Variants in WDFY4 observed in about 807,000 individuals in gnomAD.
WDFY4 encodes the protein WDFY family member 4.
In WDFY4, 169 loss-of-function variants were observed where a neutral mutation model predicts 351.9. That is an observed-to-expected ratio of 0.48 (90% CI 0.42 to 0.55). The LOEUF (loss-of-function observed/expected upper bound fraction) is 0.55, where lower values mean the gene tolerates loss of function less well. Among genes scored for constraint, WDFY4 ranks in the 20% least tolerant of loss-of-function variants. The pLI is 0.00. For missense variants in WDFY4, 3,803 were observed against 3,935.6 expected, an observed-to-expected ratio of 0.97 and a Z score of 0.90; for synonymous variants, 1,622 against 1,574.6, an observed-to-expected ratio of 1.03 and a Z score of -0.71.
At chr10:48,906,973 T>C (rs1487845071) in intron 47 of WDFY4, among the ~76,000 whole-genome samples, 2 of 152,154 alleles carry the variant, frequency 1.3e-5, no homozygotes, top group African/African-American at 4.8e-5. Flanking sequence ...TACTTTCTCT[T>C]GGTGCTGAAT....
chr10:48,968,910 T>A lies in WDFY4; in HGVS notation c.8585-154T>A. 3 of 727,118 alleles carry A rather than the reference T, an allele frequency of 4.1e-6. No individual in the cohort carries two copies. In the South Asian group the frequency reaches 5.5e-5, roughly 13 times the overall value. 45.0% of individuals were successfully genotyped at this position (727,118 alleles called of 1,614,324 possible). ...TAAGTTCAAGTCCAGTGTGTCTGCC[T>A]GTCACTCCTGCCCAGGGCCCAGCTG... On this transcript the variant is annotated intron_variant, in intron 55 of 61. Transcript: ENST00000325239.
At chr10:48,954,743 T>C (rs908633925) in intron 51 of WDFY4, among the ~76,000 whole-genome samples, 19 of 152,236 alleles carry the variant, frequency 1.2e-4, no homozygotes, top group Non-Finnish European at 2.2e-4. Flanking sequence ...TCTTTTGTAT[T>C]GCAGAAGTGA....
At chr10:48,794,479 T>G (rs2066788194) in intron 23 of WDFY4, among the ~76,000 whole-genome samples, 1 of 152,122 alleles carries the variant, frequency 6.6e-6, no homozygotes, top group Non-Finnish European at 1.5e-5. Flanking sequence ...AGGGACAGGC[T>G]GTGCTGGAGG....
rs1565198643 is a variant in WDFY4 at position 48,787,906 on chromosome 10, CTT to C, written c.3809-623_3809-622del. ...TCTTCTTCTTCTCCTTCTTCTTCTT[CTT>C]CTTCTTCTTCTTCTTCTTCTTCTTC... On this transcript the variant is annotated intron_variant, in intron 20 of 61. Transcript: ENST00000325239. 2.5e-3 allele frequency among the ~76,000 whole-genome samples: 81 copies of C among 32,310 alleles called. 4 individuals carry two copies. The highest frequency in any genetic ancestry group is 0.013 in the African/African-American group (76 of 5,996). 21.2% of individuals were successfully genotyped at this position (32,310 alleles called of 152,430 possible).
intron 11 of WDFY4, among the ~76,000 whole-genome samples, chr10:48,737,595 A>G (rs1442214002): frequency 6.6e-6 from 1 of 152,244 alleles, no homozygotes; most frequent in African/African-American, 2.4e-5. Flanking sequence ...TCCATCCAAA[A>G]GTGGCGTCAT....
At chr10:48,913,020 A>G (rs1838145124) in intron 47 of WDFY4, among the ~76,000 whole-genome samples, 1 of 152,202 alleles carries the variant, frequency 6.6e-6, no homozygotes, top group Non-Finnish European at 1.5e-5. Flanking sequence ...CACATTTGGG[A>G]TCTGGCAGTG....
intron 15 of WDFY4, 110 bp from the exon 16 acceptor site, chr10:48,776,640 T>C (rs1038067777): frequency 3.6e-4 from 397 of 1,088,130 alleles, no homozygotes; most frequent in Non-Finnish European, 4.4e-4. Context: ...ACCTGGTGAC[T>C]GTGCGAAACT....
Position 48,709,741 on chromosome 10 carries a change from A to C in WDFY4, c.9A>C (p.Ala3=). 1 of 1,552,062 alleles carries C rather than the reference A, an allele frequency of 6.4e-7. No homozygotes were observed. Among genetic ancestry groups the C allele is most frequent in the Non-Finnish European group, 8.7e-7 (1 of 1,147,072 alleles). ...ATCTGCTTTGCCACGGCATGGAGGC[A>C]GAAGATCTTTCAAAGGCTGAAGACA... The part of the protein sequence containing the change: ME[A]EDLSKAEDRN... The change falls in exon 2 of 62, where the codon GCA becomes GCC. Residue 3 remains alanine, a synonymous_variant. Transcript: ENST00000325239.
rs952767584 is a variant in WDFY4 at position 48,858,204 on chromosome 10, C to T, written c.6664-9061C>T. 5.3e-5 allele frequency among the ~76,000 whole-genome samples: 8 copies of T among 152,170 alleles called. No homozygotes were observed. The East Asian group carries it at 9.6e-4, about 18-fold the overall frequency. ...GTGTAGATTGTCATAGCGTTGTTCT[C>T]ATGGTTTTGCAGAGCAAAATTTTAA... On this transcript the variant is annotated intron_variant, in intron 39 of 61. Coordinates refer to ENST00000325239, the MANE Select transcript of WDFY4 (RefSeq NM_001394531.1).
rs1252117261 is a variant in WDFY4, at chr10:48,978,397, C to T, written c.9376+4C>T. The T allele has an allele frequency of 1.9e-6, 3 of 1,549,426 alleles. No individual in the cohort carries two copies. Among genetic ancestry groups the T allele is most frequent in the Non-Finnish European group, 2.6e-6 (3 of 1,146,078 alleles). Reference sequence around the variant, plus strand: ...GCTCAGCCTCCAAGCCCAAGAGGTACCTGACCTGCTAGGGATGTGGCCGTC... The same window carrying T: ...GCTCAGCCTCCAAGCCCAAGAGGTATCTGACCTGCTAGGGATGTGGCCGTC... On this transcript the variant is annotated splice_donor_region_variant and intron_variant, in intron 60 of 61. Transcript: ENST00000325239.
At chr10:48,742,855 G>T in intron 11 of WDFY4, 113 bp from the exon 12 acceptor site, 2 of 933,690 alleles carry the variant, frequency 2.1e-6, no homozygotes, top group Non-Finnish European at 3.1e-6. Flanking sequence ...GTAACTTGTT[G>T]GCCTGAAGTC....
intron 52 of WDFY4, among the ~76,000 whole-genome samples, chr10:48,957,677 G>T (rs1361278039): frequency 6.6e-6 from 1 of 152,210 alleles, no homozygotes; most frequent in African/African-American, 2.4e-5. Flanking sequence ...ATGGGTTCAT[G>T]TGGACTCCAA....
At chr10:48,896,741 CT>C (rs1302033071) in intron 44 of WDFY4, among the ~76,000 whole-genome samples, 2 of 152,170 alleles carry the variant, frequency 1.3e-5, no homozygotes, top group African/African-American at 2.4e-5. Flanking sequence ...TCCCTCAAAC[CT>C]CCCTGCCAAG....
intron 35 of WDFY4, among the ~76,000 whole-genome samples, 191 bp from the exon 36 acceptor site, chr10:48,826,480 A>G (rs1401007910): frequency 6.6e-6 from 1 of 152,224 alleles, no homozygotes; most frequent in Non-Finnish European, 1.5e-5. Flanking sequence ...TGAATTTTAA[A>G]ATAGTTTCTT....
At chr10:48,912,037 A>C (rs1351572302) in intron 47 of WDFY4, among the ~76,000 whole-genome samples, 1 of 152,200 alleles carries the variant, frequency 6.6e-6, no homozygotes, top group Non-Finnish European at 1.5e-5. Context: ...ACTTGCCAAC[A>C]ACATAGGAAA....
chr10:48,787,888 CTTCTCCTTCTT>C (rs2066491339), intron 20 of WDFY4, among the ~76,000 whole-genome samples: 1 of 73,604 alleles, frequency 1.4e-5, no homozygotes, highest in African/African-American at 9.6e-5. Context: ...CTTTCTTCTT[CTTCTCCTTCTT>C]CTTCTTCTTC....
intron 6 of WDFY4, among the ~76,000 whole-genome samples, 197 bp downstream of exon 6, chr10:48,726,267 T>C (rs1340128295): frequency 1.3e-5 from 2 of 152,236 alleles, no homozygotes; most frequent in African/African-American, 2.4e-5. Flanking sequence ...GCTCCCTTCA[T>C]GTAAGTGCTT....
chr10:48,793,752 T>A (rs1315939981), intron 23 of WDFY4, among the ~76,000 whole-genome samples: 2 of 152,204 alleles, frequency 1.3e-5, no homozygotes, highest in Non-Finnish European at 2.9e-5. Flanking sequence ...GAGGAATGAA[T>A]CCGTGAATGA....
chr10:48,888,427 C>T (rs926802597), intron 43 of WDFY4, among the ~76,000 whole-genome samples: 2 of 151,956 alleles, frequency 1.3e-5, no homozygotes, highest in Admixed American at 1.3e-4. Context: ...CACCCACTTC[C>T]TTCCCTCTGC....
Sources: allele counts gnomAD v4.1 joint callset (sites outside exome capture counted in the v4.1 genomes callset), GRCh38; gene constraint gnomAD v4.1.1; transcripts MANE v1.5; gene names NCBI Gene and HGNC (gene_info 2026-07-23, HGNC 2026-07-21).